The following TMEM63A variants were observed in gnomAD, a reference collection of about 807,000 sequenced individuals.
TMEM63A encodes the protein mechanosensitive cation channel TMEM63A.
In TMEM63A, 76 loss-of-function variants were observed where a neutral mutation model predicts 100.6. The ratio of observed to expected loss-of-function variants is 0.76; its 90% CI spans 0.63 to 0.91. The LOEUF (loss-of-function observed/expected upper bound fraction) is 0.91. Among genes scored for constraint, TMEM63A ranks in the 40% least tolerant of loss-of-function variants. TMEM63A has a pLI of 0.00. For missense variants in TMEM63A, 876 were observed against 1,008.8 expected (o/e 0.87, Z 1.78); for synonymous variants, 401 against 401.1 (o/e 1.00, Z 0.00).
In TMEM63A at chr1:225,867,784, G is replaced by A; in HGVS notation, c.514+104C>T. 1 of 1,434,690 alleles carries A rather than the reference G, an allele frequency of 7.0e-7. No homozygotes were observed. Among genetic ancestry groups the A allele is most frequent in the Non-Finnish European group, 9.5e-7 (1 of 1,052,336 alleles). The allele number at this position is 1,434,690 out of a possible 1,614,324, so 88.9% of individuals were successfully genotyped here. A position where few individuals can be genotyped will look rare whatever the true frequency, so the allele number is the denominator to read the frequency against. The stretch of plus-strand genomic sequence containing the variant: ...ACCCTGAGACCATCTTACATCTGAA[G>A]TGGGGCATGACTCCTGGGGTTCTGG... On this transcript the variant is annotated intron_variant, in intron 7 of 24. Coordinates refer to ENST00000366835, the MANE Select transcript of TMEM63A (RefSeq NM_014698.3). The surrounding 1 kb of genome is among the most constrained non-coding windows in gnomAD (Gnocchi z 4.6).
At chr1:225,856,885 G>C in intron 16 of TMEM63A, 26 bp downstream of exon 16, 2 of 1,605,524 alleles carry the variant, frequency 1.2e-6, no homozygotes, top group Non-Finnish European at 1.7e-6. Flanking sequence ...CTTAGGGGCA[G>C]GGCCTCGGGG....
Position 225,847,055 on chromosome 1 carries a change from G to C in TMEM63A, c.2409C>G (p.Ala803=), listed in dbSNP as rs1017583648. ...TCACCCAGCCTCAGGCCTCCTGGGG[G>C]GCAGCAGCCACACTGCCCGTGGCGC... ...AQSATGSVAA[A]PQEA is the part of the protein sequence containing the mutation. The change falls in exon 24 of 25, where the codon GCC becomes GCG. Residue 803 remains alanine (A), a synonymous_variant. Transcript: ENST00000366835. The C allele has an allele frequency of 1.9e-6, 3 of 1,611,544 alleles. No individual in the cohort carries two copies. Among genetic ancestry groups the C allele is most frequent in the African/African-American group, 1.3e-5 (1 of 75,032 alleles).
chr1:225,863,080 G>A (rs1487346283), intron 10 of TMEM63A: 2 of 523,646 alleles, frequency 3.8e-6, no homozygotes, highest in Non-Finnish European at 6.9e-6. Flanking sequence ...TAGAGACAGG[G>A]TCTCACTCTG....
intron 3 of TMEM63A, among the ~76,000 whole-genome samples, chr1:225,875,382 T>C (rs1225930030): frequency 6.6e-6 from 1 of 152,180 alleles, no homozygotes; most frequent in Non-Finnish European, 1.5e-5. Context: ...CTTCCCTCCC[T>C]AGACAGGGTC....
chr1:225,853,387 A>G lies in TMEM63A; in HGVS notation c.1797+242T>C, dbSNP rs537245021. Among the ~76,000 whole-genome samples, 1 of 152,264 alleles carries G rather than the reference A, an allele frequency of 6.6e-6. No individual in the cohort carries two copies. Among genetic ancestry groups the G allele is most frequent in the South Asian group, 2.1e-4 (1 of 4,822 alleles). The stretch of plus-strand genomic sequence containing the variant: ...TGTATGTATGTATGTGTGCGATCAA[A>G]CCGTTTCAAATGCCAAAGTCCCAAG... On this transcript the variant is annotated intron_variant, in intron 19 of 24. Coordinates refer to ENST00000366835, the MANE Select transcript of TMEM63A (RefSeq NM_014698.3). This position sits in a 1 kb window ranked among gnomAD's most constrained non-coding sequence, Gnocchi z 4.0.
Position 225,860,983 on chromosome 1 carries a change from A to G in TMEM63A, c.1100T>C (p.Phe367Ser). The G allele has an allele frequency of 6.2e-7, 1 of 1,611,416 alleles. No individual in the cohort carries two copies. Among genetic ancestry groups the G allele is most frequent in the Non-Finnish European group, 8.5e-7 (1 of 1,178,700 alleles). ...KSMATYILKDFNACKCQSLQC... is the reference protein window; with the variant it reads ...KSMATYILKDSNACKCQSLQC... ...AAGGCTCTGACACTTGCAGGCATTG[A>G]AATCTTTCAGGATGCTGCAAGGAAA... The change falls in exon 14 of 25, where the codon TTC (phenylalanine) becomes TCC (serine). Residue 367 changes from phenylalanine to serine, a missense_variant. Phe to Ser is a radical substitution (Grantham distance 155). Coordinates refer to ENST00000366835, the MANE Select transcript of TMEM63A (RefSeq NM_014698.3).
In TMEM63A at chr1:225,856,327, G is replaced by GTTTTT. The variant is rs71574544; in HGVS notation, c.1571+320_1571+324dup. ...GCCTGGCCACAAAATTTTCAAGCTG[G>GTTTTT]TTTTTTTTTTTTTTTTTTTTGAGAC... On this transcript the variant is annotated intron_variant, in intron 17 of 24. Coordinates refer to ENST00000366835, the MANE Select transcript of TMEM63A (RefSeq NM_014698.3). Among the ~76,000 whole-genome samples the GTTTTT allele has an allele frequency of 2.6e-4, 28 of 108,034 alleles. 1 individual carries two copies. The highest frequency in any genetic ancestry group is 2.1e-3 in the East Asian group (6 of 2,870). The allele number at this position is 108,034 out of a possible 152,430, so 70.9% of individuals were successfully genotyped here.
chr1:225,873,926 C>T (rs1670645339), intron 4 of TMEM63A, among the ~76,000 whole-genome samples: 1 of 152,214 alleles, frequency 6.6e-6, no homozygotes, highest in Non-Finnish European at 1.5e-5. Flanking sequence ...AGGTTCATAG[C>T]CTTGGCCCAA....
At chr1:225,857,214 A>G (rs1177915879) in intron 15 of TMEM63A, among the ~76,000 whole-genome samples, 197 bp from the exon 16 acceptor site, 1 of 152,208 alleles carries the variant, frequency 6.6e-6, no homozygotes, top group African/African-American at 2.4e-5. Context: ...ACAGCACCTT[A>G]TATTTGTACA....
Position 225,867,036 on chromosome 1 carries a change from G to T in TMEM63A, c.566+76C>A. The T allele has an allele frequency of 6.6e-7, 1 of 1,515,216 alleles. No homozygotes were observed. The highest frequency in any genetic ancestry group is 9.2e-7 in the Non-Finnish European group (1 of 1,090,532). The allele number at this position is 1,515,216 out of a possible 1,614,324, so 93.9% of individuals were successfully genotyped here. A position where few individuals can be genotyped will look rare whatever the true frequency, so the allele number is the denominator to read the frequency against. ...GCCGGCCCCCTTTGGAGTACCTCTGGCCTGCCCCGGGCTCCTGACCTGCCT... is the reference window on the plus strand; with the variant it reads ...GCCGGCCCCCTTTGGAGTACCTCTGTCCTGCCCCGGGCTCCTGACCTGCCT... On this transcript the variant is annotated intron_variant, in intron 8 of 24. Transcript: ENST00000366835. This position sits in a 1 kb window ranked among gnomAD's most constrained non-coding sequence, Gnocchi z 4.6.
rs71574544 is a variant in TMEM63A at position 225,856,327 on chromosome 1, GTTTTTTTT to G, written c.1571+317_1571+324del. 9.3e-5 allele frequency among the ~76,000 whole-genome samples: 10 copies of G among 108,052 alleles called. 1 individual carries two copies. The highest frequency in any genetic ancestry group is 1.8e-4 in the Non-Finnish European group (10 of 54,924). The allele number at this position is 108,052 out of a possible 152,430, so 70.9% of individuals were successfully genotyped here. A position where few individuals can be genotyped will look rare whatever the true frequency, so the allele number is the denominator to read the frequency against. ...GCCTGGCCACAAAATTTTCAAGCTGGTTTTTTTTTTTTTTTTTTTTGAGACAGAGTCTC... is the reference window on the plus strand; with the variant it reads ...GCCTGGCCACAAAATTTTCAAGCTGGTTTTTTTTTTTTGAGACAGAGTCTC... On this transcript the variant is annotated intron_variant, in intron 17 of 24. Transcript: ENST00000366835.
At chr1:225,869,073 G>A (rs1046536825) in intron 6 of TMEM63A, among the ~76,000 whole-genome samples, 2 of 152,214 alleles carry the variant, frequency 1.3e-5, no homozygotes, top group East Asian at 1.9e-4. Context: ...TCATAAAAAG[G>A]CAGATGTGAA....
chr1:225,845,412 G>T, downstream of TMEM63A: 1 of 1,500,628 alleles, frequency 6.7e-7, no homozygotes, highest in Non-Finnish European at 9.0e-7. Flanking sequence ...TCTTGGGGAA[G>T]ATACCCCTTT....
At chr1:225,873,878 A>T (rs1670643340) in intron 4 of TMEM63A, among the ~76,000 whole-genome samples, 1 of 152,216 alleles carries the variant, frequency 6.6e-6, no homozygotes, top group African/African-American at 2.4e-5. Context: ...GGATGACGAA[A>T]GCCCTCAGTA....
At position 225,853,904 on chromosome 1, in the gene TMEM63A, G is replaced by A. The variant is rs1320036047; in HGVS notation, c.1635-113C>T. On this transcript the variant is annotated intron_variant, in intron 18 of 24. Coordinates refer to ENST00000366835, the MANE Select transcript of TMEM63A (RefSeq NM_014698.3). This position sits in a 1 kb window ranked among gnomAD's most constrained non-coding sequence, Gnocchi z 4.0. The stretch of plus-strand genomic sequence containing the variant: ...CCCTGGGAGGGCTGTATACTCTTCC[G>A]TTCATTCAGCACATATTTGGGAAAC... The A allele has an allele frequency of 1.7e-5, 18 of 1,045,920 alleles. 1 individual carries two copies. Among genetic ancestry groups the A allele is most frequent in the African/African-American group, 9.7e-5 (6 of 61,778 alleles). 64.8% of individuals were successfully genotyped at this position (1,045,920 alleles called of 1,614,324 possible).
chr1:225,866,742 G>T, intron 8 of TMEM63A, 60 bp from the exon 9 acceptor site: 1 of 1,517,316 alleles, frequency 6.6e-7, no homozygotes, highest in South Asian at 1.1e-5. Flanking sequence ...TGGGGGTGCA[G>T]AGCTGGGGCC....
Position 225,846,180 on chromosome 1 carries a change from G to C in TMEM63A, c.*759C>G, listed in dbSNP as rs972465501. 1.0e-4 allele frequency: 16 copies of C among 153,316 alleles called. No individual in the cohort carries two copies. Among genetic ancestry groups the C allele is most frequent in the African/African-American group, 3.6e-4 (15 of 41,470 alleles). The allele number at this position is 153,316 out of a possible 1,614,324, so 9.5% of individuals were successfully genotyped here. On this transcript the variant is annotated 3_prime_UTR_variant, in exon 25 of 25. Coordinates refer to ENST00000366835, the MANE Select transcript of TMEM63A (RefSeq NM_014698.3). ...TCCTTTGGCTCCGAGGAGGCCCTGA[G>C]CACTGCCCACCCCCACACCTTGGAG...
chr1:225,881,219 T>G (rs1367412654), intron 1 of TMEM63A, among the ~76,000 whole-genome samples: 1 of 152,234 alleles, frequency 6.6e-6, no homozygotes, highest in Non-Finnish European at 1.5e-5. Flanking sequence ...GAGCAGGCTC[T>G]GGAGTTAGGG....
Position 225,867,998 on chromosome 1 carries a change from T to C in TMEM63A, c.404A>G (p.Asp135Gly). 2 of 1,613,928 alleles carry C rather than the reference T, an allele frequency of 1.2e-6. No homozygotes were observed. The highest frequency in any genetic ancestry group is 1.7e-6 in the Non-Finnish European group (2 of 1,179,990). ...CTGGAAGGACAGGTAGTGGATGGCG[T>C]CCTCCCCACACCATTCCAGGATCTG... The part of the protein sequence containing the change: ...DDQILEWCGE[D>G]AIHYLSFQRH... The change falls in exon 7 of 25, where the codon GAC becomes GGC. Residue 135 changes from aspartate to glycine, a missense_variant. By Grantham distance (94) the Asp-to-Gly change is moderately conservative. Around this residue, in one of 5 missense-constraint regions of TMEM63A, gnomAD observed 487 missense variants for 581.9 expected, o/e 0.84. Coordinates refer to ENST00000366835, the MANE Select transcript of TMEM63A (RefSeq NM_014698.3). The surrounding 1 kb of genome is among the most constrained non-coding windows in gnomAD (Gnocchi z 4.6).
Sources: gnomAD v4.1 joint callset for allele counts (sites outside exome capture counted in the v4.1 genomes callset) on GRCh38, gnomAD v4.1.1 for gene constraint, gnomAD v4.1.1 regional missense constraint, Gnocchi (gnomAD v3.1) non-coding constraint, MANE v1.5 for transcripts, NCBI Gene and HGNC (gene_info 2026-07-23, HGNC 2026-07-21) for gene names.